ZMAT5: variants seen among roughly 807,000 people sequenced by gnomAD.
ZMAT5 encodes zinc finger matrin-type 5.
ZMAT5 carries 23 observed loss-of-function variants against 28.0 expected under a neutral mutation model. That is an observed-to-expected ratio of 0.82 (90% CI 0.59 to 1.16). The LOEUF (loss-of-function observed/expected upper bound fraction) is 1.16, where lower values mean the gene tolerates loss of function less well. Among genes scored for constraint, ZMAT5 ranks in the 50% most tolerant of loss-of-function variants. The pLI, the probability that ZMAT5 is intolerant of heterozygous loss-of-function variation, is 0.00. For synonymous variants in ZMAT5, 76 were observed against 84.1 expected, an observed-to-expected ratio of 0.90 and a Z score of 0.52; for missense variants, 173 against 212.7, an observed-to-expected ratio of 0.81 and a Z score of 1.16.
intron 1 of ZMAT5, among the ~76,000 whole-genome samples, chr22:29,755,892 T>C (rs1261724206): frequency 6.6e-6 from 1 of 152,226 alleles, no homozygotes; most frequent in Non-Finnish European, 1.5e-5. Context: ...ACACCAGAGC[T>C]GGCACGCACA....
At chr22:29,731,871 G>A (rs1457685696) in intron 5 of ZMAT5, 5 of 152,244 alleles carry the variant, frequency 3.3e-5, no homozygotes, top group African/African-American at 1.2e-4. Flanking sequence ...GCCATTATGG[G>A]TGACTTTTTT....
In ZMAT5 at chr22:29,748,497, G is replaced by A. The variant is rs777272070; in HGVS notation, c.48C>T (p.Asp16=). 4 of 1,614,146 alleles carry A rather than the reference G, an allele frequency of 2.5e-6. No individual in the cohort carries two copies. The highest frequency in any genetic ancestry group is 3.4e-6 in the Non-Finnish European group (4 of 1,180,052). Residue 16 remains aspartate (D), a synonymous_variant, in exon 2 of 6, where the codon GAC becomes GAT. Transcript: ENST00000344318. ...GGTGCTTCTTGCGGTTGTGGAGGTT[G>A]TCCTGGAAGGAGCGGTCGCAGTAGT... The part of the protein sequence containing the change: ...FCDYCDRSFQ[D]NLHNRKKHLN...
At position 29,731,293 on chromosome 22, in the gene ZMAT5, G is replaced by A. The variant is rs2067840667; in HGVS notation, c.445C>T (p.Leu149=). 1 of 1,526,808 alleles carries A rather than the reference G, an allele frequency of 6.5e-7. No individual in the cohort carries two copies. Among genetic ancestry groups the A allele is most frequent in the Non-Finnish European group, 8.7e-7 (1 of 1,149,406 alleles). The allele number at this position is 1,526,808 out of a possible 1,614,324, so 94.6% of individuals were successfully genotyped here. Residue 149 remains leucine (L), a synonymous_variant, in exon 6 of 6, where the codon CTG becomes TTG. Coordinates refer to ENST00000344318, the MANE Select transcript of ZMAT5 (RefSeq NM_001003692.2). ...YPVGWPPVQE[L]PPSLRAPPPG... ...GGGGGTGCCCGCAGGGATGGAGGCAGCTCCTGAACTGGTGGCCAGCCCACG... is the reference window on the plus strand; with the variant it reads ...GGGGGTGCCCGCAGGGATGGAGGCAACTCCTGAACTGGTGGCCAGCCCACG...
Position 29,732,877 on chromosome 22 carries a change from A to T in ZMAT5, c.384-1523T>A, listed in dbSNP as rs141801650. Among the ~76,000 whole-genome samples, 609 of 152,204 alleles carry T rather than the reference A, an allele frequency of 4.0e-3. 3 individuals carry two copies. The highest frequency in any genetic ancestry group is 0.014 in the African/African-American group (579 of 41,534). On this transcript the variant is annotated intron_variant, in intron 5 of 5. Transcript: ENST00000344318. Reference sequence around the variant, plus strand: ...CTGGAGTCCCCAGAGGATGTAGACCAGGGGATAGGGGTAAGGTGTATTTGT... The same window carrying T: ...CTGGAGTCCCCAGAGGATGTAGACCTGGGGATAGGGGTAAGGTGTATTTGT...
intron 5 of ZMAT5, among the ~76,000 whole-genome samples, chr22:29,732,463 C>T (rs60416116): frequency 0.019 from 2,908 of 152,192 alleles, 97 homozygotes; most frequent in African/African-American, 0.067. Context: ...ATTGGCCGGG[C>T]GCAGTGACTC....
At chr22:29,748,691 C>A in intron 1 of ZMAT5, 120 bp from the exon 2 acceptor site, 1 of 1,295,528 alleles carries the variant, frequency 7.7e-7, no homozygotes, top group African/African-American at 1.5e-5. Flanking sequence ...CACCCCGCCC[C>A]ATTAGGAGTG....
intron 5 of ZMAT5, 125 bp from the exon 6 acceptor site, chr22:29,731,479 G>T: frequency 2.2e-6 from 3 of 1,336,600 alleles, no homozygotes; most frequent in Non-Finnish European, 3.0e-6. Context: ...GACTTTTCTG[G>T]AAGGCAGAGC....
In ZMAT5 at chr22:29,740,600, C is replaced by T. The variant is rs2232901; in HGVS notation, c.271+50G>A. 2.1e-5 allele frequency: 32 copies of T among 1,535,494 alleles called. No individual in the cohort carries two copies. The African/African-American group carries it at 4.1e-4, about 20-fold the overall frequency. ...CCAGCTTCCCCGGTCTCAGAGCCCACATGCCCCAGCACCCCACTCCCGCTT... is the reference window on the plus strand; with the variant it reads ...CCAGCTTCCCCGGTCTCAGAGCCCATATGCCCCAGCACCCCACTCCCGCTT... On this transcript the variant is annotated intron_variant, in intron 4 of 5. Coordinates refer to ENST00000344318, the MANE Select transcript of ZMAT5 (RefSeq NM_001003692.2).
chr22:29,742,685 A>G (rs1273086930), intron 2 of ZMAT5, among the ~76,000 whole-genome samples: 1 of 152,204 alleles, frequency 6.6e-6, no homozygotes, highest in Non-Finnish European at 1.5e-5. Context: ...GGTGACCTCA[A>G]TCCATCCCAC....
intron 2 of ZMAT5, among the ~76,000 whole-genome samples, chr22:29,745,836 A>C (rs2068004695): frequency 6.6e-6 from 1 of 152,216 alleles, no homozygotes; most frequent in Non-Finnish European, 1.5e-5. Context: ...GTATATCCGC[A>C]AGTCCCTGCG....
At position 29,741,272 on chromosome 22, in the gene ZMAT5, C is replaced by T. The variant is rs145977812; in HGVS notation, c.191-542G>A. Among the ~76,000 whole-genome samples the T allele has an allele frequency of 4.0e-3, 603 of 152,260 alleles. 3 individuals carry two copies. Among genetic ancestry groups the T allele is most frequent in the African/African-American group, 0.014 (570 of 41,554 alleles). ...CAACCAAGGAGACCAAAATGTATGT[C>T]GAGATACTGGGAGGCTGGAGGTGTC... On this transcript the variant is annotated intron_variant, in intron 3 of 5. Transcript: ENST00000344318.
chr22:29,748,712 G>A (rs1456148221), intron 1 of ZMAT5, 141 bp from the exon 2 acceptor site: 12 of 1,142,438 alleles, frequency 1.1e-5, no homozygotes, highest in Middle Eastern at 2.9e-4. Context: ...TCAAGCTGAT[G>A]AGTATGGCCT....
At chr22:29,740,500 A>C (rs1187081032) in intron 4 of ZMAT5, 150 bp downstream of exon 4, 6 of 762,798 alleles carry the variant, frequency 7.9e-6, no homozygotes, top group Non-Finnish European at 1.3e-5. Context: ...ACCTGGCCCA[A>C]ACCGGGGGCT....
chr22:29,751,800 G>A (rs1348867462), intron 1 of ZMAT5, among the ~76,000 whole-genome samples: 2 of 152,076 alleles, frequency 1.3e-5, no homozygotes, highest in African/African-American at 4.8e-5. Flanking sequence ...AACCCCATCT[G>A]TACAAAAAAT....
intron 1 of ZMAT5, among the ~76,000 whole-genome samples, chr22:29,757,479 CTCTATT>C (rs1458278706): frequency 1.3e-5 from 2 of 152,220 alleles, no homozygotes; most frequent in Non-Finnish European, 2.9e-5. Context: ...AGGGTAATGA[CTCTATT>C]TCATAAGATT....
intron 5 of ZMAT5, among the ~76,000 whole-genome samples, chr22:29,733,670 C>G (rs2067875597): frequency 6.6e-6 from 1 of 152,210 alleles, no homozygotes; most frequent in South Asian, 2.1e-4. Flanking sequence ...GGGCTCCCTG[C>G]AGGGCCACAG....
chr22:29,743,475 G>A (rs1443780148), intron 2 of ZMAT5, among the ~76,000 whole-genome samples: 1 of 152,176 alleles, frequency 6.6e-6, no homozygotes, highest in Non-Finnish European at 1.5e-5. Context: ...CTGTCACCCA[G>A]GCTGGAGTGC....
chr22:29,744,779 G>A (rs774684397), intron 2 of ZMAT5, among the ~76,000 whole-genome samples: 4 of 152,192 alleles, frequency 2.6e-5, no homozygotes, highest in Non-Finnish European at 5.9e-5. Flanking sequence ...AGCCCTCTCA[G>A]GTTCTCTTTT....
rs192914885 is a variant in ZMAT5, at chr22:29,761,012, C to T, written c.-28+5860G>A. ...GCTGTTGGCCAGGCACGGTGGCTCACGCCTGTAATCCCAGCACTTTGGGAG... is the reference window on the plus strand; with the variant it reads ...GCTGTTGGCCAGGCACGGTGGCTCATGCCTGTAATCCCAGCACTTTGGGAG... On this transcript the variant is annotated intron_variant, in intron 1 of 5. Coordinates refer to ENST00000344318, the MANE Select transcript of ZMAT5 (RefSeq NM_001003692.2). Among the ~76,000 whole-genome samples the T allele has an allele frequency of 4.3e-3, 656 of 152,250 alleles. 5 individuals are homozygous for T. The highest frequency in any genetic ancestry group is 0.015 in the African/African-American group (611 of 41,540).
Sources: gnomAD v4.1 joint callset for allele counts (sites outside exome capture counted in the v4.1 genomes callset) on GRCh38, gnomAD v4.1.1 for gene constraint, MANE v1.5 for transcripts, NCBI Gene and HGNC (gene_info 2026-07-23, HGNC 2026-07-21) for gene names.